The following PEBP4 variants were observed in gnomAD, a reference collection of about 807,000 sequenced individuals.
PEBP4 encodes the protein phosphatidylethanolamine-binding protein 4.
Under a neutral mutation model 23.9 loss-of-function variants are expected in PEBP4, and 22 were observed. The ratio of observed to expected loss-of-function variants is 0.92; its 90% CI spans 0.66 to 1.31. PEBP4 has a LOEUF of 1.31. Among genes scored for constraint, PEBP4 ranks in the 40% most tolerant of loss-of-function variants. PEBP4 has a pLI of 0.00. For synonymous variants in PEBP4, 112 were observed against 99.3 expected, an observed-to-expected ratio of 1.13 and a Z score of -0.76; for missense variants, 324 against 281.7, an observed-to-expected ratio of 1.15 and a Z score of -1.07.
rs148470305 is a variant in PEBP4 at position 22,782,651 on chromosome 8, C to A, written c.357+34986G>T. ...AGTCTTCGAGGGGTCTGCAAATGACCACAAATTGCAAAATTGTATACCTCT... is the reference window on the plus strand; with the variant it reads ...AGTCTTCGAGGGGTCTGCAAATGACAACAAATTGCAAAATTGTATACCTCT... On this transcript the variant is annotated intron_variant, in intron 4 of 6. Transcript: ENST00000256404. Among the ~76,000 whole-genome samples the A allele has an allele frequency of 1.7e-3, 254 of 152,246 alleles. 2 individuals carry two copies. The highest frequency in any genetic ancestry group is 5.9e-3 in the African/African-American group (243 of 41,534).
chr8:22,795,417 C>T lies in PEBP4; in HGVS notation c.357+22220G>A, dbSNP rs537485592. 2.4e-4 allele frequency among the ~76,000 whole-genome samples: 36 copies of T among 151,868 alleles called. No homozygotes were observed. In the South Asian group the frequency reaches 3.3e-3, roughly 14 times the overall value. ...GTCTCGATCTCCTGACCTTGTGATC[C>T]GCCTGCCTTGGCCTCCCAAAGTGCT... is the stretch of plus-strand genomic sequence containing the variant. On this transcript the variant is annotated intron_variant, in intron 4 of 6. Transcript: ENST00000256404.
upstream of PEBP4, among the ~76,000 whole-genome samples, chr8:22,931,741 G>C (rs1300402255): frequency 6.6e-6 from 1 of 152,026 alleles, no homozygotes; most frequent in Non-Finnish European, 1.5e-5. Context: ...GCACCACTAT[G>C]CCCAGCTAAT....
At chr8:22,910,106 C>G (rs1585338534) in intron 3 of PEBP4, among the ~76,000 whole-genome samples, 1 of 152,230 alleles carries the variant, frequency 6.6e-6, no homozygotes, top group African/African-American at 2.4e-5. Context: ...GCTGCACTCT[C>G]CTGCTGATCT....
At chr8:22,841,228 C>A (rs932982842) in intron 3 of PEBP4, among the ~76,000 whole-genome samples, 2 of 152,254 alleles carry the variant, frequency 1.3e-5, no homozygotes, top group African/African-American at 2.4e-5. Flanking sequence ...TGTCTGACTG[C>A]GAAGCAGCGG....
chr8:22,746,721 C>T (rs556555354), intron 4 of PEBP4, among the ~76,000 whole-genome samples: 2 of 152,248 alleles, frequency 1.3e-5, no homozygotes, highest in South Asian at 2.1e-4. Context: ...TCTGACCATT[C>T]GATCCCCAAT....
intron 4 of PEBP4, among the ~76,000 whole-genome samples, chr8:22,758,625 C>T (rs940580256): frequency 3.3e-5 from 5 of 152,278 alleles, no homozygotes; most frequent in East Asian, 1.9e-4. Context: ...TGGCCTGCCC[C>T]GGAGTTAGTT....
At chr8:22,862,616 T>G (rs1304080949) in intron 3 of PEBP4, among the ~76,000 whole-genome samples, 2 of 152,086 alleles carry the variant, frequency 1.3e-5, no homozygotes, top group African/African-American at 4.8e-5. Context: ...CTCACACCAT[T>G]CTAAAGGCTT....
At chr8:22,930,897 G>A (rs1809445424), upstream of PEBP4, among the ~76,000 whole-genome samples, 1 of 152,030 alleles carries the variant, frequency 6.6e-6, no homozygotes, top group Non-Finnish European at 1.5e-5. Flanking sequence ...CACCCTTGAA[G>A]TCCCCCTCTC....
At chr8:22,928,173 T>C (rs982775729), upstream of PEBP4, among the ~76,000 whole-genome samples, 2 of 152,224 alleles carry the variant, frequency 1.3e-5, no homozygotes, top group Non-Finnish European at 2.9e-5. Flanking sequence ...GGCTCAGGGC[T>C]AGGAGTTGGG....
In PEBP4 at chr8:22,756,693, T is replaced by C. The variant is rs117562450; in HGVS notation, c.358-29473A>G. On this transcript the variant is annotated intron_variant, in intron 4 of 6. Coordinates refer to ENST00000256404, the MANE Select transcript of PEBP4 (RefSeq NM_144962.3). ...AAAAACCCACTTGCCTGGGGGCTCA[T>C]TGAGGCCCTTCTTTTGCTCCTGGGT... Among the ~76,000 whole-genome samples, 71 of 152,346 alleles carry C rather than the reference T, an allele frequency of 4.7e-4. 1 individual carries two copies. The East Asian group carries it at 0.012, about 26-fold the overall frequency.
At chr8:22,856,809 C>T (rs1807663108) in intron 3 of PEBP4, among the ~76,000 whole-genome samples, 1 of 151,946 alleles carries the variant, frequency 6.6e-6, no homozygotes, top group Non-Finnish European at 1.5e-5. Flanking sequence ...TAGGATCTTA[C>T]CCCCAGAAAT....
At chr8:22,900,840 A>C (rs1473555076) in intron 3 of PEBP4, among the ~76,000 whole-genome samples, 1 of 152,076 alleles carries the variant, frequency 6.6e-6, no homozygotes, top group Non-Finnish European at 1.5e-5. Flanking sequence ...ACAGGCTAAA[A>C]CTAGGCACTT....
At chr8:22,916,921 C>G (rs963080432) in intron 3 of PEBP4, among the ~76,000 whole-genome samples, 1 of 152,192 alleles carries the variant, frequency 6.6e-6, no homozygotes, top group African/African-American at 2.4e-5. Flanking sequence ...AAGAAAAGAT[C>G]AGCCAGGGAT....
intron 4 of PEBP4, among the ~76,000 whole-genome samples, chr8:22,737,529 C>A (rs181986363): frequency 1.3e-5 from 2 of 151,808 alleles, no homozygotes; most frequent in African/African-American, 4.8e-5. Flanking sequence ...GGTGCAGGAT[C>A]CCCCCACTCC....
intron 4 of PEBP4, among the ~76,000 whole-genome samples, chr8:22,750,166 A>G (rs1349583606): frequency 6.7e-6 from 1 of 148,954 alleles, no homozygotes; most frequent in Non-Finnish European, 1.5e-5. Context: ...CAGTGGTGTG[A>G]TCTTGGCTCA....
At chr8:22,813,476 T>C (rs1563224718) in intron 4 of PEBP4, among the ~76,000 whole-genome samples, 1 of 152,170 alleles carries the variant, frequency 6.6e-6, no homozygotes. Flanking sequence ...ATATCCCCAT[T>C]AACAATAAAA....
intron 3 of PEBP4, among the ~76,000 whole-genome samples, chr8:22,864,857 C>T (rs1807853450): frequency 6.6e-6 from 1 of 152,196 alleles, no homozygotes; most frequent in Non-Finnish European, 1.5e-5. Context: ...CGCCGAGCGC[C>T]AGGCTGGTGA....
chr8:22,849,228 T>C (rs1162226733), intron 3 of PEBP4, among the ~76,000 whole-genome samples: 1 of 151,780 alleles, frequency 6.6e-6, no homozygotes, highest in African/African-American at 2.4e-5. Flanking sequence ...AGGTAATTAT[T>C]CTCTCATTTT....
intron 3 of PEBP4, among the ~76,000 whole-genome samples, chr8:22,851,394 A>G (rs1807546515): frequency 1.3e-5 from 2 of 152,110 alleles, no homozygotes; most frequent in Admixed American, 6.6e-5. Context: ...CCCATCAAGG[A>G]AGTGCTTTGG....
Sources: gnomAD v4.1 joint callset for allele counts (sites outside exome capture counted in the v4.1 genomes callset) on GRCh38, gnomAD v4.1.1 for gene constraint, MANE v1.5 for transcripts, NCBI Gene and HGNC (gene_info 2026-07-23, HGNC 2026-07-21) for gene names.